The following SNX29 variants were observed in gnomAD, a reference collection of about 807,000 sequenced individuals.
SNX29 encodes the protein sorting nexin-29.
A neutral mutation model predicts 102.1 loss-of-function variants in SNX29; 78 were observed. That is an observed-to-expected ratio of 0.76 (90% CI 0.64 to 0.92). The LOEUF (loss-of-function observed/expected upper bound fraction) is 0.92, where lower values mean the gene tolerates loss of function less well. Among genes scored for constraint, SNX29 ranks in the 40% least tolerant of loss-of-function variants. The probability of loss-of-function intolerance (pLI) is 0.00; values close to 1 mark genes in which losing one functional copy is unlikely to be tolerated. For missense variants in SNX29, 1,280 were observed against 1,061.7 expected, an observed-to-expected ratio of 1.21 and a Z score of -2.86; for synonymous variants, 580 against 414.5, an observed-to-expected ratio of 1.40 and a Z score of -4.85.
intron 14 of SNX29, among the ~76,000 whole-genome samples, chr16:12,254,409 G>A (rs973866808): frequency 6.6e-6 from 1 of 152,118 alleles, no homozygotes; most frequent in African/African-American, 2.4e-5. Flanking sequence ...CAGCACTTTG[G>A]GAGGCCAAGG....
At chr16:12,541,965 TCA>T (rs1419743078) in intron 20 of SNX29, among the ~76,000 whole-genome samples, 2 of 152,194 alleles carry the variant, frequency 1.3e-5, no homozygotes, top group Non-Finnish European at 2.9e-5. Flanking sequence ...TGGATCCACT[TCA>T]GAGACTTGGC....
intron 13 of SNX29, among the ~76,000 whole-genome samples, chr16:12,174,045 G>C (rs1431180002): frequency 6.6e-6 from 1 of 152,226 alleles, no homozygotes; most frequent in Non-Finnish European, 1.5e-5. Flanking sequence ...GCCTCCCAAA[G>C]TGTTGGGATT....
intron 20 of SNX29, among the ~76,000 whole-genome samples, chr16:12,553,217 G>C (rs12928279): frequency 2.0e-5 from 3 of 151,984 alleles, no homozygotes; most frequent in African/African-American, 7.3e-5. Flanking sequence ...AGCCATGCTC[G>C]CAGATGGGGA....
intron 16 of SNX29, among the ~76,000 whole-genome samples, chr16:12,379,014 G>T (rs949166052): frequency 6.6e-6 from 1 of 152,194 alleles, no homozygotes; most frequent in Admixed American, 6.5e-5. Flanking sequence ...GTCAGTTAGT[G>T]CTCACCCTTG....
At chr16:12,165,806 C>T (rs1259580994) in intron 13 of SNX29, among the ~76,000 whole-genome samples, 1 of 152,218 alleles carries the variant, frequency 6.6e-6, no homozygotes, top group East Asian at 1.9e-4. Context: ...TCAACTGATC[C>T]ACCTGCCTCG....
intron 3 of SNX29, among the ~76,000 whole-genome samples, chr16:12,013,805 C>T (rs887059464): frequency 6.2e-5 from 9 of 144,734 alleles, no homozygotes; most frequent in East Asian, 3.9e-4. Context: ...CCGCCATACC[C>T]GGCTAATTTT....
chr16:12,160,980 C>T (rs1034960036), intron 13 of SNX29, among the ~76,000 whole-genome samples: 12 of 152,190 alleles, frequency 7.9e-5, no homozygotes, highest in African/African-American at 2.9e-4. Context: ...GCAAATCATC[C>T]TCTTCTTGCT....
At chr16:12,076,853 A>G (rs536220796) in intron 10 of SNX29, among the ~76,000 whole-genome samples, 15 of 152,334 alleles carry the variant, frequency 9.8e-5, no homozygotes, top group African/African-American at 3.4e-4. Context: ...CTTACCTGGA[A>G]CAGTCAAGGG....
At chr16:12,146,090 G>C (rs992480759) in intron 13 of SNX29, among the ~76,000 whole-genome samples, 7 of 152,204 alleles carry the variant, frequency 4.6e-5, no homozygotes, top group African/African-American at 1.7e-4. Flanking sequence ...CGGCTGTGTA[G>C]CATTCCTTAG....
At chr16:12,539,675 C>T (rs1046669182) in intron 20 of SNX29, among the ~76,000 whole-genome samples, 1 of 152,174 alleles carries the variant, frequency 6.6e-6, no homozygotes, top group Non-Finnish European at 1.5e-5. Flanking sequence ...GGCCCAGTTG[C>T]TCTGCACCCT....
intron 18 of SNX29, among the ~76,000 whole-genome samples, chr16:12,414,782 CACACT>C (rs1224205754): frequency 6.6e-6 from 1 of 152,160 alleles, no homozygotes; most frequent in Admixed American, 6.5e-5. Context: ...AGTGGAGTGG[CACACT>C]CTTGGCTTAT....
intron 18 of SNX29, among the ~76,000 whole-genome samples, chr16:12,424,819 AG>A (rs1597334196): frequency 6.6e-6 from 1 of 152,312 alleles, no homozygotes; most frequent in East Asian, 1.9e-4. Context: ...GTTAAGGATT[AG>A]GTTATAGTAA....
chr16:12,265,267 TGGG>T (rs746493089), intron 14 of SNX29, among the ~76,000 whole-genome samples: 1 of 152,024 alleles, frequency 6.6e-6, no homozygotes, highest in African/African-American at 2.4e-5. Flanking sequence ...GCTTTTCACT[TGGG>T]GGGGAGAAAC....
chr16:12,532,070 A>C (rs910850555), intron 20 of SNX29, among the ~76,000 whole-genome samples: 3 of 152,214 alleles, frequency 2.0e-5, no homozygotes, highest in Admixed American at 2.0e-4. Flanking sequence ...CGTTTACAGG[A>C]ACCAGGACAG....
At chr16:12,445,703 C>T (rs2086017428) in intron 18 of SNX29, among the ~76,000 whole-genome samples, 1 of 152,208 alleles carries the variant, frequency 6.6e-6, no homozygotes, top group African/African-American at 2.4e-5. Flanking sequence ...CCATCAGCTT[C>T]CTCTCCAACC....
At chr16:11,985,940 C>A (rs1344044658) in intron 1 of SNX29, among the ~76,000 whole-genome samples, 1 of 150,342 alleles carries the variant, frequency 6.7e-6, no homozygotes, top group African/African-American at 2.5e-5. Context: ...TCAAGTGATT[C>A]TCCCGCCTCG....
chr16:12,009,766 G>C (rs1026890902), intron 3 of SNX29, among the ~76,000 whole-genome samples: 1 of 152,138 alleles, frequency 6.6e-6, no homozygotes, highest in African/African-American at 2.4e-5. Flanking sequence ...CTTTCAGTCA[G>C]ACTGGCCTGT....
chr16:12,216,312 T>A (rs1447836094), intron 14 of SNX29, among the ~76,000 whole-genome samples: 1 of 152,226 alleles, frequency 6.6e-6, no homozygotes, highest in Non-Finnish European at 1.5e-5. Context: ...CCTGAAGGGC[T>A]TTGTGACCCC....
chr16:12,147,479 G>A (rs1299497879), intron 13 of SNX29, among the ~76,000 whole-genome samples: 1 of 152,174 alleles, frequency 6.6e-6, no homozygotes, highest in East Asian at 1.9e-4. Context: ...AGTAGGTAGA[G>A]GTGTCTAGAG....
Sources: gnomAD v4.1 joint callset for allele counts (sites outside exome capture counted in the v4.1 genomes callset) on GRCh38, gnomAD v4.1.1 for gene constraint, MANE v1.5 for transcripts, NCBI Gene and HGNC (gene_info 2026-07-23, HGNC 2026-07-21) for gene names.